The following PKD1 variants were observed in gnomAD, a reference collection of about 807,000 sequenced individuals.
PKD1 encodes the protein polycystin 1, transient receptor potential channel interacting, also known as polycystin-1.
A neutral mutation model predicts 361.7 loss-of-function variants in PKD1; 81 were observed. The observed-to-expected ratio is 0.22, with a 90% confidence interval of 0.19 to 0.27. The LOEUF (loss-of-function observed/expected upper bound fraction) is 0.27, where lower values mean the gene tolerates loss of function less well. Ranked by LOEUF, PKD1 falls within the 10% of genes least tolerant of loss-of-function variation. PKD1 has a pLI of 1.00. For missense variants in PKD1, 6,399 were observed against 6,118.3 expected, an observed-to-expected ratio of 1.05 and a Z score of -1.53; for synonymous variants, 3,615 against 2,818.3, an observed-to-expected ratio of 1.28 and a Z score of -8.95.
In PKD1 at chr16:2,100,584, G is replaced by A. The variant is rs762950909; in HGVS notation, c.9398-18C>T. On this transcript the variant is annotated intron_variant, in intron 26 of 45. Coordinates refer to ENST00000262304, the MANE Select transcript of PKD1 (RefSeq NM_001009944.3). The surrounding 1 kb of genome is among the most constrained non-coding windows in gnomAD (Gnocchi z 4.4). ...CGTGGTACCTGGGAGGCAAGAGGGA[G>A]GGGTGGGAGGCTCGGTCTGCTGCCC... The A allele has an allele frequency of 3.7e-6, 6 of 1,605,936 alleles. No individual in the cohort carries two copies. The South Asian group carries it at 5.5e-5, about 15-fold the overall frequency.
rs1003941029 is a variant in PKD1 at position 2,111,521 on chromosome 16, T to C, written c.3646A>G (p.Ser1216Gly). The C allele has an allele frequency of 2.9e-5, 46 of 1,608,110 alleles. No homozygotes were observed. The highest frequency in any genetic ancestry group is 4.0e-5 in the African/African-American group (3 of 74,868). Residue 1216 changes from serine (S) to glycine (G), a missense_variant, in exon 15 of 46, where the codon AGC becomes GGC. Ser to Gly is a moderately conservative substitution (Grantham distance 56). Transcript: ENST00000262304. ...TCCACGGCCAGGCTCATGTCCACGC[T>C]GAGTCCGCGGAGCTCCTCAAAGACG... Reference protein sequence around the residue: ...VRVFEELRGLSVDMSLAVEQG... With the variant: ...VRVFEELRGLGVDMSLAVEQG...
chr16:2,125,667 A>C (rs1333195325), intron 1 of PKD1, among the ~76,000 whole-genome samples: 1 of 143,432 alleles, frequency 7.0e-6, no homozygotes, highest in Non-Finnish European at 1.5e-5. Context: ...AGACGAGCCC[A>C]CCTGTGGGGT....
In PKD1 at chr16:2,097,961, T is replaced by G. The variant is rs1383786312; in HGVS notation, c.10074A>C (p.Thr3358=). 14 of 1,596,416 alleles carry G rather than the reference T, an allele frequency of 8.8e-6. No homozygotes were observed. The highest frequency in any genetic ancestry group is 2.7e-5 in the African/African-American group (2 of 74,562). ...RSKVAGSPSP[T]PAGQQVLDID... is the part of the protein sequence containing the mutation. Reference sequence around the variant, plus strand: ...TGTCCAGCACCTGCTGCCCGGCAGGTGTGGGGCTCGGGCTCCCAGCCACCT... The same window carrying G: ...TGTCCAGCACCTGCTGCCCGGCAGGGGTGGGGCTCGGGCTCCCAGCCACCT... The change falls in exon 31 of 46, where the codon ACA becomes ACC. Residue 3358 remains threonine, a synonymous_variant. Coordinates refer to ENST00000262304, the MANE Select transcript of PKD1 (RefSeq NM_001009944.3).
At chr16:2,131,425 G>A (rs559568350) in intron 1 of PKD1, among the ~76,000 whole-genome samples, 9 of 151,574 alleles carry the variant, frequency 5.9e-5, no homozygotes, top group East Asian at 3.9e-4. Flanking sequence ...GGAGAATGGC[G>A]TGAACCCAGG....
In PKD1 at chr16:2,118,907, C is replaced by G. The variant is rs1399000225; in HGVS notation, c.360-62G>C. ...GTGGGAAGGGTCTATGCCAGCCCCC[C>G]ACTGGCAACCAGGCCCTGGAGCCAC... On this transcript the variant is annotated intron_variant, in intron 3 of 45. Coordinates refer to ENST00000262304, the MANE Select transcript of PKD1 (RefSeq NM_001009944.3). The surrounding 1 kb of genome is among the most constrained non-coding windows in gnomAD (Gnocchi z 6.0). 2.4e-6 allele frequency: 2 copies of G among 825,826 alleles called. No homozygotes were observed. The highest frequency in any genetic ancestry group is 1.7e-5 in the African/African-American group (1 of 59,096). The allele number at this position is 825,826 out of a possible 1,614,324, so 51.2% of individuals were successfully genotyped here.
rs778961122 is a variant in PKD1, at chr16:2,105,382, G to C, written c.7956C>G (p.Ser2652=). 1.6e-5 allele frequency: 26 copies of C among 1,586,764 alleles called. No homozygotes were observed. The highest frequency in any genetic ancestry group is 2.0e-5 in the Non-Finnish European group (24 of 1,172,700). Residue 2652 remains serine (S), a synonymous_variant, in exon 21 of 46, where the codon TCC becomes TCG. Transcript: ENST00000262304. ...IRKNITETLV[S]LRVHTVDDIQ... ...TGTCATCCACAGTGTGGACCCTCAG[G>C]GACACCAGAGTCTCCGTGATGTTCT...
chr16:2,096,910 T>A (rs2091870972), intron 34 of PKD1: 2 of 580,992 alleles, frequency 3.4e-6, no homozygotes, highest in Admixed American at 3.0e-5. Flanking sequence ...CAGGAGCCTT[T>A]CTGCTCCTAC....
rs1249026672 is a variant in PKD1, at chr16:2,100,287, C to T, written c.9591G>A (p.Leu3197=). The change falls in exon 28 of 46, where the codon CTG becomes CTA. Residue 3197 remains leucine, a synonymous_variant. Coordinates refer to ENST00000262304, the MANE Select transcript of PKD1 (RefSeq NM_001009944.3). This position sits in a 1 kb window ranked among gnomAD's most constrained non-coding sequence, Gnocchi z 4.4. Reference sequence around the variant, plus strand: ...GCAGGTCCCTGACGATGACGTGCTGCAGGAACCAGGCAGGGCTGAGCCCTG... The same window carrying T: ...GCAGGTCCCTGACGATGACGTGCTGTAGGAACCAGGCAGGGCTGAGCCCTG... The part of the protein sequence containing the change: ...DNKGLSPAWF[L]QHVIVRDLQT... The T allele has an allele frequency of 1.2e-6, 2 of 1,610,816 alleles. No individual in the cohort carries two copies. Among genetic ancestry groups the T allele is most frequent in the Non-Finnish European group, 1.7e-6 (2 of 1,179,762 alleles).
In PKD1 at chr16:2,116,583, G is replaced by C. The variant is rs1311566854; in HGVS notation, c.1668C>G (p.Pro556=). 6.4e-7 allele frequency: 1 copy of C among 1,571,500 alleles called. No homozygotes were observed. Among genetic ancestry groups the C allele is most frequent in the Non-Finnish European group, 8.6e-7 (1 of 1,163,184 alleles). ...VGAPSGDLQG[P]LTPLAQQDGL... ...CGTCCTGCTGTGCCAGAGGCGTCAGGGGTCCCTGCAGGTCCCCACTGGGCG... is the reference window on the plus strand; with the variant it reads ...CGTCCTGCTGTGCCAGAGGCGTCAGCGGTCCCTGCAGGTCCCCACTGGGCG... Residue 556 remains proline, a synonymous_variant, in exon 8 of 46, where the codon CCC becomes CCG. Coordinates refer to ENST00000262304, the MANE Select transcript of PKD1 (RefSeq NM_001009944.3).
At chr16:2,132,711 T>C (rs1264940166) in intron 1 of PKD1, among the ~76,000 whole-genome samples, 5 of 151,908 alleles carry the variant, frequency 3.3e-5, no homozygotes, top group Non-Finnish European at 5.9e-5. Flanking sequence ...AACTGTCTGT[T>C]GTGTTAGGTG....
At position 2,099,345 on chromosome 16, in the gene PKD1, C is replaced by T. The variant is rs1369593571; in HGVS notation, c.10050+299G>A. The T allele has an allele frequency of 2.6e-5, 11 of 425,692 alleles. No homozygotes were observed. The East Asian group carries it at 3.6e-4, about 14-fold the overall frequency. The allele number at this position is 425,692 out of a possible 1,614,324, so 26.4% of individuals were successfully genotyped here. On this transcript the variant is annotated intron_variant, in intron 30 of 45. Coordinates refer to ENST00000262304, the MANE Select transcript of PKD1 (RefSeq NM_001009944.3). ...TGAGATTTTCTTCTGGAGTGCATTTCGGAAGCGTGCACAGCCGCGTGCTTG... is the reference window on the plus strand; with the variant it reads ...TGAGATTTTCTTCTGGAGTGCATTTTGGAAGCGTGCACAGCCGCGTGCTTG...
rs1465553263 is a variant in PKD1 at position 2,091,484 on chromosome 16, C to G, written c.11651G>C (p.Ser3884Thr). ...PAAGRALAAL[S>T]VRPFALRRLS... is the part of the protein sequence containing the mutation. ...GCGGCGCAGCGCAAAGGGGCGGACGCTGAGGGCGGCCAGGGCGCGGCCGGC... is the reference window on the plus strand; with the variant it reads ...GCGGCGCAGCGCAAAGGGGCGGACGGTGAGGGCGGCCAGGGCGCGGCCGGC... Residue 3884 changes from serine (S) to threonine (T), a missense_variant, in exon 42 of 46, where the codon AGC (serine) becomes ACC (threonine). Transcript: ENST00000262304. 1.4e-6 allele frequency: 2 copies of G among 1,380,490 alleles called. No homozygotes were observed. Among genetic ancestry groups the G allele is most frequent in the African/African-American group, 3.2e-5 (2 of 63,464 alleles). 85.5% of individuals were successfully genotyped at this position (1,380,490 alleles called of 1,614,324 possible). A position where few individuals can be genotyped will look rare whatever the true frequency, so the allele number is the denominator to read the frequency against.
intron 8 of PKD1, 68 bp downstream of exon 8, chr16:2,116,461 G>C (rs2092637926): frequency 8.1e-6 from 7 of 861,104 alleles, no homozygotes; most frequent in Non-Finnish European, 1.3e-5. Flanking sequence ...GACCCACAGT[G>C]GGCAGGGCAG....
intron 37 of PKD1, 42 bp from the exon 38 acceptor site, chr16:2,093,135 C>T (rs1451816752): frequency 1.2e-6 from 2 of 1,609,776 alleles, no homozygotes. Context: ...GGCCCCAGCC[C>T]ACAGTGACAG....
Position 2,091,151 on chromosome 16 carries a change from C to T in PKD1, c.11736G>A (p.Val3912=). Residue 3912 remains valine, a synonymous_variant, in exon 43 of 46, where the codon GTG becomes GTA. Transcript: ENST00000262304. Reference sequence around the variant, plus strand: ...TACGGGCCTCGGCCACGGCGAAGTGCACGGCGAACAGCAGCAGGCACACCT... The same window carrying T: ...TACGGGCCTCGGCCACGGCGAAGTGTACGGCGAACAGCAGCAGGCACACCT... ...LTSVCLLLFA[V]HFAVAEARTW... is the part of the protein sequence containing the mutation. The T allele has an allele frequency of 4.7e-6, 7 of 1,474,860 alleles. No homozygotes were observed. Among genetic ancestry groups the T allele is most frequent in the South Asian group, 1.3e-5 (1 of 78,208 alleles). 91.4% of individuals were successfully genotyped at this position (1,474,860 alleles called of 1,614,324 possible). A position where few individuals can be genotyped will look rare whatever the true frequency, so the allele number is the denominator to read the frequency against.
chr16:2,108,375 T>C lies in PKD1; in HGVS notation c.6792A>G (p.Ser2264=), dbSNP rs142928249. ...ERLVPIIEGG[S]YRVWSDTRDL... is the part of the protein sequence containing the mutation. Reference sequence around the variant, plus strand: ...CCCGTGTGTCTGACCACACGCGGTATGAGCCACCCTCAATGATGGGCACCA... The same window carrying C: ...CCCGTGTGTCTGACCACACGCGGTACGAGCCACCCTCAATGATGGGCACCA... The change falls in exon 15 of 46, where the codon TCA becomes TCG. Residue 2264 remains serine (S), a synonymous_variant. Coordinates refer to ENST00000262304, the MANE Select transcript of PKD1 (RefSeq NM_001009944.3). 12 of 1,610,432 alleles carry C rather than the reference T, an allele frequency of 7.5e-6. No homozygotes were observed. The African/African-American group carries it at 1.3e-4, about 18-fold the overall frequency.
In PKD1 at chr16:2,103,379, G is replaced by A. The variant is rs759290287; in HGVS notation, c.8678C>T (p.Ser2893Phe). 11 of 1,601,616 alleles carry A rather than the reference G, an allele frequency of 6.9e-6. No homozygotes were observed. Among genetic ancestry groups the A allele is most frequent in the Middle Eastern group, 2.2e-4 (1 of 4,452 alleles). Residue 2893 changes from serine to phenylalanine, a missense_variant, in exon 23 of 46, where the codon TCC becomes TTC. Coordinates refer to ENST00000262304, the MANE Select transcript of PKD1 (RefSeq NM_001009944.3). The part of the protein sequence containing the change: ...AARGHRSSAN[S>F]ANSVVVQPQA... ...GGGCTGGACCACAACGGAGTTGGCGGAGTTGGCGGAGCTGCGGTGGCCCCG... is the reference window on the plus strand; with the variant it reads ...GGGCTGGACCACAACGGAGTTGGCGAAGTTGGCGGAGCTGCGGTGGCCCCG...
rs1063401 is a variant in PKD1, at chr16:2,102,569, G to C, written c.9013C>G (p.Gln3005Glu). Residue 3005 changes from glutamine (Q) to glutamate (E), a missense_variant, in exon 25 of 46, where the codon CAG (glutamine) becomes GAG (glutamate). Physicochemically the swap from Gln to Glu is conservative, Grantham distance 29. Coordinates refer to ENST00000262304, the MANE Select transcript of PKD1 (RefSeq NM_001009944.3). ...GACGTGTACAGGCCCACGGACACCT[G>C]CAGCGCCGACCAGCGGAAGTGGCTG... is the stretch of plus-strand genomic sequence containing the variant. Reference protein sequence around the residue: ...LSSHFRWSALQVSVGLYTSLC... With the variant: ...LSSHFRWSALEVSVGLYTSLC... 1 of 1,611,074 alleles carries C rather than the reference G, an allele frequency of 6.2e-7. No homozygotes were observed. The highest frequency in any genetic ancestry group is 1.3e-5 in the African/African-American group (1 of 75,002).
In PKD1 at chr16:2,093,594, G is replaced by A. The variant is rs898443059; in HGVS notation, c.10966C>T (p.Leu3656=). ...ACCTTGCGGGCTTCTTCCTTGGCCA[G>A]GAAGAGTGCAAAGCCGTGGGGTGGC... ...VRPPHGFALF[L]AKEEARKVKR... Residue 3656 remains leucine (L), a synonymous_variant, in exon 37 of 46, where the codon CTG becomes TTG. Transcript: ENST00000262304. 6.2e-7 allele frequency: 1 copy of A among 1,608,972 alleles called. No individual in the cohort carries two copies. Among genetic ancestry groups the A allele is most frequent in the South Asian group, 1.1e-5 (1 of 90,116 alleles).
Sources: allele counts gnomAD v4.1 joint callset (sites outside exome capture counted in the v4.1 genomes callset), GRCh38; gene constraint gnomAD v4.1.1; non-coding constraint Gnocchi (gnomAD v3.1); transcripts MANE v1.5; gene names NCBI Gene and HGNC (gene_info 2026-07-23, HGNC 2026-07-21).